HS1BP3: variants seen among roughly 807,000 people sequenced by gnomAD.
The protein encoded by HS1BP3 is HCLS1-binding protein 3.
HS1BP3 carries 32 observed loss-of-function variants against 33.5 expected under a neutral mutation model. That is an observed-to-expected ratio of 0.95 (90% CI 0.72 to 1.28). HS1BP3 has a LOEUF of 1.28. Ranked by LOEUF, HS1BP3 falls within the 50% of genes most tolerant of loss-of-function variation. The probability of loss-of-function intolerance (pLI) is 0.00; values close to 1 mark genes in which losing one functional copy is unlikely to be tolerated. For synonymous variants in HS1BP3, 187 were observed against 209.2 expected (o/e 0.89, Z 0.92); for missense variants, 486 against 502.3 (o/e 0.97, Z 0.31).
intron 5 of HS1BP3, among the ~76,000 whole-genome samples, chr2:20,560,924 G>A (rs1387563774): frequency 6.6e-6 from 1 of 152,088 alleles, no homozygotes; most frequent in Non-Finnish European, 1.5e-5. Context: ...AGAAGAGGAA[G>A]GGAAAGCAGG....
At chr2:20,577,736 C>T (rs1378400414) in intron 5 of HS1BP3, among the ~76,000 whole-genome samples, 1 of 152,188 alleles carries the variant, frequency 6.6e-6, no homozygotes, top group Non-Finnish European at 1.5e-5. Context: ...ATTGCCAGGC[C>T]TCTGAACCTC....
chr2:20,618,328 AG>A lies in HS1BP3; in HGVS notation c.*658del, dbSNP rs1427016767. On this transcript the variant is annotated 3_prime_UTR_variant, in exon 7 of 7. Coordinates refer to ENST00000304031, the MANE Select transcript of HS1BP3 (RefSeq NM_022460.4). The stretch of plus-strand genomic sequence containing the variant: ...CATCAAGAGGAGGCTCAGGAGAGAG[AG>A]ACTTGCATCAGAACACTCCAGACAG... The A allele has an allele frequency of 6.6e-6, 1 of 152,212 alleles. No individual in the cohort carries two copies. Among genetic ancestry groups the A allele is most frequent in the African/African-American group, 2.4e-5 (1 of 41,374 alleles). The allele number at this position is 152,212 out of a possible 1,614,324, so 9.4% of individuals were successfully genotyped here.
At chr2:20,612,104 C>T (rs990038507) in intron 2 of HS1BP3, among the ~76,000 whole-genome samples, 5 of 152,118 alleles carry the variant, frequency 3.3e-5, no homozygotes, top group African/African-American at 1.2e-4. Flanking sequence ...CTCATTTAGC[C>T]TTATACTACC....
intron 2 of HS1BP3, among the ~76,000 whole-genome samples, chr2:20,644,983 T>C (rs1018549235): frequency 4.6e-5 from 7 of 152,132 alleles, no homozygotes; most frequent in African/African-American, 1.4e-4. Flanking sequence ...GGGACACCCT[T>C]CTCACCTCTC....
chr2:20,598,054 G>A (rs1347722175), intron 3 of HS1BP3, among the ~76,000 whole-genome samples: 1 of 152,138 alleles, frequency 6.6e-6, no homozygotes, highest in Non-Finnish European at 1.5e-5. Flanking sequence ...TAACCTTTTT[G>A]GCATCAGGGA....
intron 3 of HS1BP3, among the ~76,000 whole-genome samples, chr2:20,594,604 G>C (rs1294945118): frequency 6.6e-6 from 1 of 152,200 alleles, no homozygotes; most frequent in Non-Finnish European, 1.5e-5. Context: ...CAGCAACAAG[G>C]CCAGCCTCTA....
At chr2:20,626,704 T>C (rs1205242878) in intron 4 of HS1BP3, among the ~76,000 whole-genome samples, 2 of 152,050 alleles carry the variant, frequency 1.3e-5, no homozygotes, top group African/African-American at 2.4e-5. Context: ...GCTCAGGCCA[T>C]GAGGGACCTC....
chr2:20,592,648 T>C (rs11096679), exon 4 of HS1BP3: 102,219 of 152,612 alleles, frequency 0.67, 37,603 homozygotes, highest in East Asian at 0.82. Context: ...GAAGTTGAGG[T>C]GTCAGCAGGA....
At chr2:20,557,273 T>C (rs1692863240), downstream of HS1BP3, among the ~76,000 whole-genome samples, 1 of 152,240 alleles carries the variant, frequency 6.6e-6, no homozygotes, top group African/African-American at 2.4e-5. Flanking sequence ...TTCCGAAATT[T>C]CATAAGGGTA....
intron 5 of HS1BP3, among the ~76,000 whole-genome samples, chr2:20,581,906 G>A (rs1693542421): frequency 6.6e-6 from 1 of 152,148 alleles, no homozygotes; most frequent in South Asian, 2.1e-4. Context: ...TTTACCAGGT[G>A]GGCTTTCATG....
chr2:20,631,458 T>C (rs189551637), intron 4 of HS1BP3, among the ~76,000 whole-genome samples: 167 of 137,340 alleles, frequency 1.2e-3, no homozygotes, highest in Admixed American at 4.1e-3. Context: ...GAAGCTGTAG[T>C]TAGCTGAGAT....
At chr2:20,627,145 C>T (rs898700564) in intron 4 of HS1BP3, among the ~76,000 whole-genome samples, 9 of 152,244 alleles carry the variant, frequency 5.9e-5, no homozygotes, top group African/African-American at 2.2e-4. Flanking sequence ...GTGGCCCTTG[C>T]TCCTGGCCCC....
At position 20,577,186 on chromosome 2, in the gene HS1BP3, C is replaced by T. The variant is rs191724442; in HGVS notation, c.303-16671G>A. ...TTCCAGGGAGATTAAGGACTGGGGGCATGACACACTGATATTCATGTACAA... is the reference window on the plus strand; with the variant it reads ...TTCCAGGGAGATTAAGGACTGGGGGTATGACACACTGATATTCATGTACAA... On this transcript the variant is annotated intron_variant, in intron 5 of 5. Transcript: ENST00000446825. Among the ~76,000 whole-genome samples, 27 of 152,152 alleles carry T rather than the reference C, an allele frequency of 1.8e-4. No homozygotes were observed. The East Asian group carries it at 4.8e-3, about 27-fold the overall frequency.
At position 20,595,224 on chromosome 2, in the gene HS1BP3, C is replaced by T. The variant is rs140570995; in HGVS notation, c.*13-2430G>A. Among the ~76,000 whole-genome samples, 1,155 of 152,196 alleles carry T rather than the reference C, an allele frequency of 7.6e-3. 14 individuals carry two copies. Among genetic ancestry groups the T allele is most frequent in the African/African-American group, 0.026 (1,063 of 41,514 alleles). On this transcript the variant is annotated intron_variant, in intron 3 of 3. Transcript: ENST00000415264. ...TTCAGTCTGGACAGATGGCTGTGAC[C>T]CACAGAAACGCCATGGCCCGGGAAC...
intron 5 of HS1BP3, among the ~76,000 whole-genome samples, chr2:20,574,103 T>C (rs1029853350): frequency 6.6e-6 from 1 of 152,212 alleles, no homozygotes; most frequent in Non-Finnish European, 1.5e-5. Context: ...ACAATTGCAC[T>C]GATTAATTGT....
At chr2:20,643,844 G>C (rs193142650) in intron 2 of HS1BP3, among the ~76,000 whole-genome samples, 94 of 152,264 alleles carry the variant, frequency 6.2e-4, no homozygotes, top group African/African-American at 2.2e-3. Context: ...GAGGCAGGAG[G>C]ATTGCTTGAG....
At chr2:20,596,113 T>C (rs1693937484) in intron 3 of HS1BP3, among the ~76,000 whole-genome samples, 1 of 152,118 alleles carries the variant, frequency 6.6e-6, no homozygotes, top group African/African-American at 2.4e-5. Flanking sequence ...AGGATGTGAC[T>C]CAAATTTCTA....
chr2:20,635,047 G>C (rs1695082169), intron 4 of HS1BP3: 2 of 152,114 alleles, frequency 1.3e-5, no homozygotes, highest in African/African-American at 4.8e-5. Flanking sequence ...CTGAGGGCGG[G>C]GGTGGGCAGG....
At chr2:20,569,091 C>T (rs1005979147) in intron 5 of HS1BP3, among the ~76,000 whole-genome samples, 1 of 152,066 alleles carries the variant, frequency 6.6e-6, no homozygotes, top group Admixed American at 6.5e-5. Flanking sequence ...ACAGCTCAGC[C>T]GCAGCCCAGC....
Sources: allele counts gnomAD v4.1 joint callset (sites outside exome capture counted in the v4.1 genomes callset), GRCh38; gene constraint gnomAD v4.1.1; transcripts MANE v1.5; gene names NCBI Gene and HGNC (gene_info 2026-07-23, HGNC 2026-07-21).